WDR64: variants seen among roughly 807,000 people sequenced by gnomAD.
The protein encoded by WDR64 is WD repeat domain 64.
A neutral mutation model predicts 139.3 loss-of-function variants in WDR64; 112 were observed. The ratio of observed to expected loss-of-function variants is 0.80; its 90% CI spans 0.69 to 0.94. The LOEUF is 0.94. WDR64 is among the 40% of genes least tolerant of loss of function. The pLI is 0.00. For missense variants in WDR64, 1,206 were observed against 1,293.1 expected, an observed-to-expected ratio of 0.93 and a Z score of 1.03; for synonymous variants, 444 against 437.7, an observed-to-expected ratio of 1.01 and a Z score of -0.18.
At chr1:241,658,195 A>G (rs1665681300) in intron 1 of WDR64, among the ~76,000 whole-genome samples, 1 of 152,176 alleles carries the variant, frequency 6.6e-6, no homozygotes, top group Non-Finnish European at 1.5e-5. Flanking sequence ...AGTTTGAGAA[A>G]GCCTCACATC....
chr1:241,723,826 G>A (rs1397153093), intron 10 of WDR64, among the ~76,000 whole-genome samples: 1 of 151,950 alleles, frequency 6.6e-6, no homozygotes, highest in Non-Finnish European at 1.5e-5. Flanking sequence ...AGAATTCAGA[G>A]ACTGAATTAT....
intron 11 of WDR64, 92 bp from the exon 12 acceptor site, chr1:241,741,424 G>T: frequency 9.3e-7 from 1 of 1,069,744 alleles, no homozygotes; most frequent in Non-Finnish European, 1.3e-6. Context: ...CTCACTGTTT[G>T]GCTGTTTCCA....
At chr1:241,708,116 G>A (rs1668022908) in intron 8 of WDR64, among the ~76,000 whole-genome samples, 1 of 152,184 alleles carries the variant, frequency 6.6e-6, no homozygotes, top group Admixed American at 6.5e-5. Flanking sequence ...CATGTCCTGT[G>A]AGGTCTGCAA....
intron 6 of WDR64, among the ~76,000 whole-genome samples, chr1:241,680,468 T>C (rs1033116377): frequency 6.6e-6 from 1 of 152,188 alleles, no homozygotes; most frequent in African/African-American, 2.4e-5. Context: ...AACTCCAAGA[T>C]CCTGAACTTT....
chr1:241,677,226 T>A (rs1331657824), intron 4 of WDR64: 6 of 397,364 alleles, frequency 1.5e-5, no homozygotes, highest in Admixed American at 8.8e-5. Flanking sequence ...GAGAGGACTT[T>A]AAACAGGTGA....
Position 241,738,484 on chromosome 1 carries a change from T to C in WDR64, c.1316T>C (p.Ile439Thr). The C allele has an allele frequency of 1.9e-6, 3 of 1,609,502 alleles. No homozygotes were observed. In the South Asian group the frequency reaches 3.3e-5, roughly 18 times the overall value. Residue 439 changes from isoleucine to threonine, a missense_variant, in exon 11 of 28, where the codon ATT becomes ACT. By Grantham distance (89) the Ile-to-Thr change is moderately conservative. Coordinates refer to ENST00000437684, the MANE Select transcript of WDR64 (RefSeq NM_001367482.1). ...TATGATGCCAATCATGGCATGCTTATTACGGGTAAGTGTACCCAATTAATG... is the reference window on the plus strand; with the variant it reads ...TATGATGCCAATCATGGCATGCTTACTACGGGTAAGTGTACCCAATTAATG... ...MIYDANHGML[I>T]TGSSVMDMYP...
At chr1:241,797,725 A>C (rs1008193680) in intron 27 of WDR64, among the ~76,000 whole-genome samples, 1 of 152,128 alleles carries the variant, frequency 6.6e-6, no homozygotes, top group East Asian at 1.9e-4. Flanking sequence ...ATTTACTTTT[A>C]ATTGTTTTAT....
chr1:241,770,789 G>T, intron 18 of WDR64, 99 bp downstream of exon 18: 1 of 1,085,550 alleles, frequency 9.2e-7, no homozygotes, highest in South Asian at 2.0e-5. Flanking sequence ...TTGATAGAAG[G>T]TAACAGTGGA....
chr1:241,766,116 AT>A, intron 15 of WDR64, 101 bp from the exon 16 acceptor site: 1 of 1,111,952 alleles, frequency 9.0e-7, no homozygotes, highest in African/African-American at 1.6e-5. Context: ...ATAATAAGGC[AT>A]TTTGTTTTAA....
chr1:241,780,149 A>G, intron 22 of WDR64, 87 bp downstream of exon 22: 2 of 1,104,164 alleles, frequency 1.8e-6, no homozygotes, highest in Non-Finnish European at 2.6e-6. Context: ...AAAGGATAGA[A>G]ATACAAGACT....
chr1:241,801,704 G>A lies in WDR64; in HGVS notation c.*489G>A. ...TCATTTAGAGAAATATTATCTGGAA[G>A]AAAATGTCCTAAGTTTCTCAAAGTC... On this transcript the variant is annotated 3_prime_UTR_variant, in exon 28 of 28. Coordinates refer to ENST00000437684, the MANE Select transcript of WDR64 (RefSeq NM_001367482.1). 2.5e-6 allele frequency: 1 copy of A among 398,588 alleles called. No homozygotes were observed. The highest frequency in any genetic ancestry group is 3.6e-5 in the East Asian group (1 of 28,052). The allele number at this position is 398,588 out of a possible 1,614,324, so 24.7% of individuals were successfully genotyped here. A position where few individuals can be genotyped will look rare whatever the true frequency, so the allele number is the denominator to read the frequency against.
chr1:241,775,054 A>G, intron 20 of WDR64, 51 bp from the exon 21 acceptor site: 2 of 1,398,372 alleles, frequency 1.4e-6, no homozygotes, highest in Non-Finnish European at 2.0e-6. Flanking sequence ...TTAAGATTTT[A>G]TAAGACTTAC....
intron 21 of WDR64, among the ~76,000 whole-genome samples, chr1:241,778,879 T>A (rs6669233): frequency 0.45 from 67,994 of 151,930 alleles, 15,998 homozygotes; most frequent in Middle Eastern, 0.67. Flanking sequence ...ATTGTTGCTA[T>A]CATTATTTTT....
chr1:241,686,256 G>T (rs1231383008), intron 7 of WDR64, among the ~76,000 whole-genome samples: 1 of 152,152 alleles, frequency 6.6e-6, no homozygotes, highest in Non-Finnish European at 1.5e-5. Flanking sequence ...AAGTTTTCCT[G>T]CAGCTGACAT....
chr1:241,697,044 T>A (rs185207680), intron 8 of WDR64, among the ~76,000 whole-genome samples: 1 of 152,292 alleles, frequency 6.6e-6, no homozygotes, highest in Non-Finnish European at 1.5e-5. Context: ...AGGTTATTCA[T>A]CTGAGATAAT....
intron 8 of WDR64, among the ~76,000 whole-genome samples, chr1:241,709,943 G>A (rs1668096089): frequency 6.6e-6 from 1 of 151,062 alleles, no homozygotes; most frequent in African/African-American, 2.4e-5. Context: ...AGTATTTGGT[G>A]GCAATAAAAA....
intron 16 of WDR64, 28 bp from the exon 17 acceptor site, chr1:241,769,376 T>TC (rs1313560582): frequency 6.5e-7 from 1 of 1,532,790 alleles, no homozygotes. Flanking sequence ...GTGAATTTTT[T>TC]CTCATATAAA....
intron 8 of WDR64, among the ~76,000 whole-genome samples, chr1:241,708,020 C>T (rs558492819): frequency 1.3e-5 from 2 of 152,290 alleles, no homozygotes; most frequent in South Asian, 4.1e-4. Context: ...GAAGTCTGCC[C>T]ATCCCACCTC....
chr1:241,674,253 T>TTTA (rs1666365997), intron 3 of WDR64, among the ~76,000 whole-genome samples: 1 of 95,784 alleles, frequency 1.0e-5, no homozygotes. Flanking sequence ...TATCTTTTTT[T>TTTA]TTCTTTTCTT....
Sources: gnomAD v4.1 joint callset for allele counts (sites outside exome capture counted in the v4.1 genomes callset) on GRCh38, gnomAD v4.1.1 for gene constraint, MANE v1.5 for transcripts, NCBI Gene and HGNC (gene_info 2026-07-23, HGNC 2026-07-21) for gene names.